RTN4IP1: variants seen among roughly 807,000 people sequenced by gnomAD.
RTN4IP1 encodes reticulon 4 interacting protein 1.
In RTN4IP1, 32 loss-of-function variants were observed where a neutral mutation model predicts 46.6. The ratio of observed to expected loss-of-function variants is 0.69; its 90% CI spans 0.52 to 0.92. RTN4IP1 has a LOEUF of 0.92. RTN4IP1 is among the 40% of genes least tolerant of loss of function. RTN4IP1 has a pLI of 0.00. For missense variants in RTN4IP1, 424 were observed against 485.8 expected, an observed-to-expected ratio of 0.87 and a Z score of 1.20; for synonymous variants, 167 against 161.8, an observed-to-expected ratio of 1.03 and a Z score of -0.24.
chr6:106,602,658 T>C (rs1178754760), intron 5 of RTN4IP1, among the ~76,000 whole-genome samples: 1 of 152,164 alleles, frequency 6.6e-6, no homozygotes, highest in Non-Finnish European at 1.5e-5. Flanking sequence ...ATTGTGCCAC[T>C]GCACTCCAGC....
At chr6:106,611,996 G>A (rs1388241307) in intron 4 of RTN4IP1, among the ~76,000 whole-genome samples, 1 of 152,088 alleles carries the variant, frequency 6.6e-6, no homozygotes, top group Non-Finnish European at 1.5e-5. Flanking sequence ...TTCAACCAGG[G>A]GTACTGGGAA....
chr6:106,573,276 T>C (rs576282233), intron 8 of RTN4IP1, among the ~76,000 whole-genome samples: 9 of 152,216 alleles, frequency 5.9e-5, no homozygotes, highest in East Asian at 1.9e-4. Flanking sequence ...CTGCCTCCCA[T>C]AGCTCCACTG....
Position 106,598,072 on chromosome 6 carries a change from A to C in RTN4IP1, c.669+4802T>G, listed in dbSNP as rs370066731. On this transcript the variant is annotated intron_variant, in intron 5 of 8. Transcript: ENST00000369063. Reference sequence around the variant, plus strand: ...AGTATTCCATGGTGTATATGTGCCAAATTTTCTTAATCCAGTCTATCATTG... The same window carrying C: ...AGTATTCCATGGTGTATATGTGCCACATTTTCTTAATCCAGTCTATCATTG... 6.9e-4 allele frequency among the ~76,000 whole-genome samples: 105 copies of C among 152,216 alleles called. No individual in the cohort carries two copies. The East Asian group carries it at 7.0e-3, about 10-fold the overall frequency.
intron 5 of RTN4IP1, among the ~76,000 whole-genome samples, chr6:106,594,504 T>C (rs1775735400): frequency 6.6e-6 from 1 of 151,728 alleles, no homozygotes. Context: ...AGTGAGATTC[T>C]GTCTCAAAAA....
chr6:106,576,422 A>C (rs182510742), intron 8 of RTN4IP1, among the ~76,000 whole-genome samples: 295 of 152,254 alleles, frequency 1.9e-3, no homozygotes, highest in African/African-American at 6.6e-3. Context: ...CATCAGAAAA[A>C]CCTCAGAAGC....
intron 4 of RTN4IP1, among the ~76,000 whole-genome samples, chr6:106,610,147 C>T (rs901625514): frequency 3.3e-5 from 5 of 152,088 alleles, no homozygotes; most frequent in Non-Finnish European, 7.4e-5. Flanking sequence ...CTGCAACCTC[C>T]GCCTCCCGTG....
chr6:106,583,934 G>C (rs931526075), intron 7 of RTN4IP1, among the ~76,000 whole-genome samples: 52 of 152,122 alleles, frequency 3.4e-4, no homozygotes, highest in African/African-American at 1.2e-3. Flanking sequence ...TGGCTTTAAA[G>C]GGAAAACAAA....
intron 4 of RTN4IP1, among the ~76,000 whole-genome samples, chr6:106,605,956 A>C (rs1776062168): frequency 6.6e-6 from 1 of 152,178 alleles, no homozygotes; most frequent in Non-Finnish European, 1.5e-5. Flanking sequence ...AGTACTAGCC[A>C]GAGCAATTAA....
chr6:106,575,939 G>A (rs1775216659), intron 8 of RTN4IP1, among the ~76,000 whole-genome samples: 2 of 152,188 alleles, frequency 1.3e-5, no homozygotes, highest in Admixed American at 1.3e-4. Flanking sequence ...GGTGTGTGAG[G>A]GGACACTGAC....
At chr6:106,599,871 T>G (rs554061389) in intron 5 of RTN4IP1, among the ~76,000 whole-genome samples, 1 of 152,072 alleles carries the variant, frequency 6.6e-6, no homozygotes, top group South Asian at 2.1e-4. Flanking sequence ...CAATTTATAT[T>G]GACATTTAGT....
chr6:106,611,312 C>T (rs764573727), intron 4 of RTN4IP1, among the ~76,000 whole-genome samples: 1 of 152,088 alleles, frequency 6.6e-6, no homozygotes, highest in Non-Finnish European at 1.5e-5. Context: ...CTAATTTAAG[C>T]TTATATTTTG....
chr6:106,591,597 G>A (rs1405210919), intron 6 of RTN4IP1, among the ~76,000 whole-genome samples: 1 of 152,016 alleles, frequency 6.6e-6, no homozygotes, highest in Non-Finnish European at 1.5e-5. Flanking sequence ...GCTGGATAAA[G>A]GTCAGATGAA....
At chr6:106,627,114 G>A (rs1468428216) in intron 1 of RTN4IP1, among the ~76,000 whole-genome samples, 1 of 139,734 alleles carries the variant, frequency 7.2e-6, no homozygotes, top group Non-Finnish European at 1.5e-5. Context: ...CTTCTGCAAT[G>A]ACAATAAATA....
At chr6:106,576,706 C>T (rs142173306) in intron 8 of RTN4IP1, among the ~76,000 whole-genome samples, 7 of 152,284 alleles carry the variant, frequency 4.6e-5, no homozygotes, top group Non-Finnish European at 7.4e-5. Context: ...TGACTATTTA[C>T]GTTAATCAAA....
At position 106,629,290 on chromosome 6, in the gene RTN4IP1, A is replaced by G. The variant is rs564265156; in HGVS notation, c.-269T>C. 8 of 530,602 alleles carry G rather than the reference A, an allele frequency of 1.5e-5. No individual in the cohort carries two copies. The African/African-American group carries it at 1.6e-4, about 11-fold the overall frequency. The allele number at this position is 530,602 out of a possible 1,614,324, so 32.9% of individuals were successfully genotyped here. ...CTCCTCCCTCACTTTCACCCCCTCC[A>G]CTTTAAAAAAAAAAGGGGGGGCGGG... On this transcript the variant is annotated 5_prime_UTR_variant, in exon 1 of 9. Transcript: ENST00000369063.
chr6:106,582,457 C>T (rs1775392640), intron 8 of RTN4IP1, among the ~76,000 whole-genome samples: 1 of 152,200 alleles, frequency 6.6e-6, no homozygotes, highest in African/African-American at 2.4e-5. Flanking sequence ...GAGGGAAAAG[C>T]ACAAGAGTTT....
At chr6:106,574,070 A>G (rs1338050379) in intron 8 of RTN4IP1, among the ~76,000 whole-genome samples, 6 of 152,234 alleles carry the variant, frequency 3.9e-5, no homozygotes, top group South Asian at 2.1e-4. Context: ...TTTGTCTTCT[A>G]TTCTCTCCAA....
upstream of RTN4IP1, chr6:106,629,542 A>G: frequency 3.7e-6 from 4 of 1,094,168 alleles, no homozygotes; most frequent in Non-Finnish European, 5.2e-6. Context: ...TCGGGCTGCA[A>G]TTCAACCAAT....
intron 8 of RTN4IP1, among the ~76,000 whole-genome samples, chr6:106,576,247 C>T (rs1157249115): frequency 2.6e-5 from 4 of 152,146 alleles, no homozygotes; most frequent in Admixed American, 2.0e-4. Context: ...TGGGGTGAGA[C>T]AGGAGGGGGA....
Sources: allele counts gnomAD v4.1 joint callset (sites outside exome capture counted in the v4.1 genomes callset), GRCh38; gene constraint gnomAD v4.1.1; transcripts MANE v1.5; gene names NCBI Gene and HGNC (gene_info 2026-07-23, HGNC 2026-07-21).